CLASP2: variants seen among roughly 807,000 people sequenced by gnomAD.
CLASP2 encodes cytoplasmic linker associated protein 2, also known as CLIP-associating protein 2.
Under a neutral mutation model 194.4 loss-of-function variants are expected in CLASP2, and 47 were observed. That is an observed-to-expected ratio of 0.24 (90% confidence interval 0.19 to 0.31). The LOEUF (loss-of-function observed/expected upper bound fraction) is 0.31, where lower values mean the gene tolerates loss of function less well. Ranked by LOEUF, CLASP2 falls within the 10% of genes least tolerant of loss-of-function variation. CLASP2 has a pLI of 1.00. For synonymous variants in CLASP2, 619 were observed against 633.5 expected, an observed-to-expected ratio of 0.98 and a Z score of 0.34; for missense variants, 1,445 against 1,823.6, an observed-to-expected ratio of 0.79 and a Z score of 3.78.
chr3:33,595,059 A>C, intron 19 of CLASP2, 91 bp from the exon 20 acceptor site: 1 of 664,630 alleles, frequency 1.5e-6, no homozygotes, highest in African/African-American at 1.9e-5. Context: ...CACTACAATG[A>C]AAGGGTAAAA....
chr3:33,597,910 G>A (rs1431959208), intron 18 of CLASP2, among the ~76,000 whole-genome samples: 1 of 151,810 alleles, frequency 6.6e-6, no homozygotes, highest in Non-Finnish European at 1.5e-5. Context: ...GTGCCACCAC[G>A]CCTGGCTAAT....
chr3:33,660,244 G>T (rs554231821), intron 7 of CLASP2, among the ~76,000 whole-genome samples: 2 of 152,120 alleles, frequency 1.3e-5, no homozygotes, highest in Non-Finnish European at 2.9e-5. Flanking sequence ...AATCGCAGGG[G>T]GTCTCCAACT....
At position 33,510,626 on chromosome 3, in the gene CLASP2, C is replaced by T; in HGVS notation, c.4249G>A (p.Val1417Met). 6.2e-7 allele frequency: 1 copy of T among 1,613,890 alleles called. No homozygotes were observed. The highest frequency in any genetic ancestry group is 8.5e-7 in the Non-Finnish European group (1 of 1,179,878). Reference protein sequence around the residue: ...NLAAIKMQTKVIERVSKETLN... With the variant: ...NLAAIKMQTKMIERVSKETLN... ...GTTTCCTTGGACACTCTCTCTATCA[C>T]TTTTGTTTGCATTTTGATTGCAGCC... is the stretch of plus-strand genomic sequence containing the variant. The change falls in exon 37 of 39, where the codon GTG (valine) becomes ATG (methionine). Residue 1417 changes from valine to methionine, a missense_variant. Coordinates refer to ENST00000682230, the MANE Select transcript of CLASP2 (RefSeq NM_001365631.1).
intron 1 of CLASP2, among the ~76,000 whole-genome samples, chr3:33,714,866 C>G (rs879410852): frequency 6.6e-6 from 1 of 152,136 alleles, no homozygotes; most frequent in Non-Finnish European, 1.5e-5. Flanking sequence ...TAAGCCACCA[C>G]GCCCAGTTAC....
chr3:33,562,973 C>G (rs980341094), intron 27 of CLASP2, among the ~76,000 whole-genome samples: 1 of 152,152 alleles, frequency 6.6e-6, no homozygotes, highest in South Asian at 2.1e-4. Flanking sequence ...ATTGACTCTT[C>G]CCTCAATTTG....
intron 27 of CLASP2, among the ~76,000 whole-genome samples, chr3:33,565,675 G>T (rs896849628): frequency 6.6e-6 from 1 of 151,968 alleles, no homozygotes; most frequent in African/African-American, 2.4e-5. Flanking sequence ...AGCTGGGCGT[G>T]GTGGCACATG....
At chr3:33,678,380 GA>G (rs572464078) in intron 6 of CLASP2, among the ~76,000 whole-genome samples, 21 of 151,850 alleles carry the variant, frequency 1.4e-4, no homozygotes, top group Non-Finnish European at 2.4e-4. Context: ...ACCAGAGGGG[GA>G]AAAAAACACT....
intron 20 of CLASP2, among the ~76,000 whole-genome samples, chr3:33,594,531 G>A (rs1366253289): frequency 6.6e-6 from 1 of 151,712 alleles, no homozygotes; most frequent in Non-Finnish European, 1.5e-5. Context: ...AGCAGACTAA[G>A]TAAATGCATT....
At chr3:33,659,074 GGCCTGCA>G in intron 7 of CLASP2, 2 of 1,521,626 alleles carry the variant, frequency 1.3e-6, no homozygotes, top group Non-Finnish European at 1.8e-6. Context: ...CACTGGGCTC[GGCCTGCA>G]GCCTGCAGAC....
intron 3 of CLASP2, among the ~76,000 whole-genome samples, chr3:33,688,623 T>C (rs1415002689): frequency 6.6e-6 from 1 of 152,216 alleles, no homozygotes; most frequent in Non-Finnish European, 1.5e-5. Context: ...AGAAGAACCA[T>C]GTCCAACAAC....
intron 8 of CLASP2, among the ~76,000 whole-genome samples, chr3:33,632,867 G>C (rs116239408): frequency 2.6e-5 from 4 of 152,266 alleles, no homozygotes; most frequent in Non-Finnish European, 4.4e-5. Context: ...GTAGGCAGTA[G>C]TTATTGAAGA....
intron 6 of CLASP2, 73 bp from the exon 7 acceptor site, chr3:33,663,588 A>G (rs2085663068): frequency 9.5e-7 from 1 of 1,053,376 alleles, no homozygotes; most frequent in Admixed American, 2.0e-5. Flanking sequence ...AATTTCCTTC[A>G]CCATTCCCTT....
chr3:33,695,526 A>G (rs1347340749), intron 2 of CLASP2, among the ~76,000 whole-genome samples: 7 of 152,160 alleles, frequency 4.6e-5, no homozygotes, highest in African/African-American at 1.7e-4. Context: ...AGAAAATAAA[A>G]GAAAAAACTG....
chr3:33,670,629 G>A (rs1470972849), intron 6 of CLASP2, among the ~76,000 whole-genome samples: 1 of 152,148 alleles, frequency 6.6e-6, no homozygotes, highest in Non-Finnish European at 1.5e-5. Context: ...TGAAAACAGA[G>A]AATCACAACT....
At chr3:33,536,211 G>A (rs553389657) in intron 33 of CLASP2, among the ~76,000 whole-genome samples, 5 of 150,526 alleles carry the variant, frequency 3.3e-5, no homozygotes, top group East Asian at 1.9e-4. Flanking sequence ...AAGAGAGAAC[G>A]ATGCCTACCC....
intron 1 of CLASP2, among the ~76,000 whole-genome samples, chr3:33,715,277 C>T (rs1265794082): frequency 6.6e-6 from 1 of 152,206 alleles, no homozygotes; most frequent in Non-Finnish European, 1.5e-5. Context: ...CTTTCTAATG[C>T]AATGGCAGGG....
chr3:33,636,929 T>C (rs1033554080), intron 8 of CLASP2, among the ~76,000 whole-genome samples: 1 of 152,122 alleles, frequency 6.6e-6, no homozygotes, highest in Non-Finnish European at 1.5e-5. Context: ...CAAAATCACC[T>C]GAGAAATAAA....
chr3:33,547,236 C>T (rs2059289125), intron 30 of CLASP2, among the ~76,000 whole-genome samples: 1 of 152,144 alleles, frequency 6.6e-6, no homozygotes, highest in Admixed American at 6.5e-5. Context: ...TTCTGCCACA[C>T]TGTTCTTGTG....
chr3:33,510,576 A>T lies in CLASP2; in HGVS notation c.4299T>A (p.Ile1433=). The change falls in exon 37 of 39, where the codon ATT becomes ATA. Residue 1433 remains isoleucine (I), a synonymous_variant. Coordinates refer to ENST00000682230, the MANE Select transcript of CLASP2 (RefSeq NM_001365631.1). The stretch of plus-strand genomic sequence containing the variant: ...TGCTTACCTGTATTAGACCTGGCAT[A>T]ATCTCTGGCAAAAGCAGGTTTAGGG... The part of the protein sequence containing the change: ...KETLNLLLPE[I]MPGLIQGYDN... 6.2e-7 allele frequency: 1 copy of T among 1,613,888 alleles called. No individual in the cohort carries two copies. Among genetic ancestry groups the T allele is most frequent in the Non-Finnish European group, 8.5e-7 (1 of 1,179,830 alleles).
Sources: allele counts gnomAD v4.1 joint callset (sites outside exome capture counted in the v4.1 genomes callset), GRCh38; gene constraint gnomAD v4.1.1; transcripts MANE v1.5; gene names NCBI Gene and HGNC (gene_info 2026-07-23, HGNC 2026-07-21).